The following CTCF variants were observed in gnomAD, a reference collection of about 807,000 sequenced individuals.
CTCF encodes the protein CCCTC-binding factor.
In CTCF, 7 loss-of-function variants were observed where a neutral mutation model predicts 72.3. That is an observed-to-expected ratio of 0.10 (90% CI 0.06 to 0.18). The LOEUF (loss-of-function observed/expected upper bound fraction) is 0.18, where lower values mean the gene tolerates loss of function less well. Ranked by LOEUF, CTCF falls within the 10% of genes least tolerant of loss-of-function variation. The probability of loss-of-function intolerance (pLI) is 1.00; values close to 1 mark genes in which losing one functional copy is unlikely to be tolerated. For missense variants in CTCF, 516 were observed against 949.1 expected (o/e 0.54, Z 6.00); for synonymous variants, 374 against 315.8 (o/e 1.18, Z -1.95).
chr16:67,610,975 G>A lies in CTCF; in HGVS notation c.143G>A (p.Gly48Asp), dbSNP rs758063705. ...CHLPQNQTDG[G>D]EVVQDVNSSV... ...TTACCCCAGAACCAGACGGATGGGGGTGAGGTGGTCCAGGATGTCAACAGC... is the reference window on the plus strand; with the variant it reads ...TTACCCCAGAACCAGACGGATGGGGATGAGGTGGTCCAGGATGTCAACAGC... Residue 48 changes from glycine to aspartate, a missense_variant, in exon 3 of 12, where the codon GGT (glycine) becomes GAT (aspartate). By Grantham distance (94) the Gly-to-Asp change is moderately conservative (BLOSUM62 -1). Around this residue, in one of 7 missense-constraint regions of CTCF, gnomAD observed 148 missense variants for 194.9 expected, o/e 0.76. Transcript: ENST00000264010. 4 of 1,600,458 alleles carry A rather than the reference G, an allele frequency of 2.5e-6. No homozygotes were observed. In the South Asian group the frequency reaches 3.3e-5, roughly 13 times the overall value.
chr16:67,616,093 T>G (rs1429215203), intron 4 of CTCF: 1 of 152,356 alleles, frequency 6.6e-6, no homozygotes, highest in Non-Finnish European at 1.5e-5. Flanking sequence ...TCATGTTTTA[T>G]ATTGGATGAA....
chr16:67,620,562 G>A, intron 5 of CTCF, 135 bp from the exon 6 acceptor site: 4 of 634,880 alleles, frequency 6.3e-6, no homozygotes, highest in Non-Finnish European at 1.0e-5. Context: ...TAATGAAGAG[G>A]GAAGAAGGTT....
At chr16:67,588,861 A>ATT (rs61023594) in intron 2 of CTCF, among the ~76,000 whole-genome samples, 8 of 150,640 alleles carry the variant, frequency 5.3e-5, no homozygotes, top group South Asian at 2.1e-4. Flanking sequence ...TAATTTTTGT[A>ATT]TTTTTTTTTA....
intron 1 of CTCF, chr16:67,563,553 G>C (rs2051307155): frequency 6.6e-6 from 1 of 152,218 alleles, no homozygotes; most frequent in African/African-American, 2.4e-5. Flanking sequence ...CCGGGTTCCT[G>C]GCCGGACCCG....
At chr16:67,577,021 T>C (rs1376615596) in intron 2 of CTCF, among the ~76,000 whole-genome samples, 1 of 152,134 alleles carries the variant, frequency 6.6e-6, no homozygotes, top group Non-Finnish European at 1.5e-5. Flanking sequence ...ATAAAACCTA[T>C]AGGTAGGTTT....
chr16:67,564,122 A>G (rs1301576106), intron 1 of CTCF, among the ~76,000 whole-genome samples: 1 of 152,242 alleles, frequency 6.6e-6, no homozygotes, highest in African/African-American at 2.4e-5. Context: ...TTAAAAACCA[A>G]GTCCTCATAG....
rs1181606379 is a variant in CTCF at position 67,573,282 on chromosome 16, A to G, written c.-10+2018A>G. Among the ~76,000 whole-genome samples the G allele has an allele frequency of 2.6e-5, 4 of 151,356 alleles. No homozygotes were observed. The Admixed American group carries it at 2.6e-4, about 10-fold the overall frequency. On this transcript the variant is annotated intron_variant, in intron 2 of 11. Coordinates refer to ENST00000264010, the MANE Select transcript of CTCF (RefSeq NM_006565.4). ...CAAAAAAAACCCCAAGAAGACAATT[A>G]GCTGGGTGTGGTGGTGCGTGCCTGT... is the stretch of plus-strand genomic sequence containing the variant.
chr16:67,618,056 A>G (rs1311428803), intron 5 of CTCF, among the ~76,000 whole-genome samples: 1 of 152,210 alleles, frequency 6.6e-6, no homozygotes, highest in Non-Finnish European at 1.5e-5. Context: ...TTCAGTAATC[A>G]TTAATTACTG....
At position 67,621,443 on chromosome 16, in the gene CTCF, G is replaced by A. The variant is rs1360666500; in HGVS notation, c.1209G>A (p.Gly403=). 1.3e-6 allele frequency: 2 copies of A among 1,590,594 alleles called. No homozygotes were observed. Among genetic ancestry groups the A allele is most frequent in the Non-Finnish European group, 1.7e-6 (2 of 1,160,090 alleles). ...KLKRHMRTHS[G]EKPYECYICH... is the part of the protein sequence containing the mutation. ...GTTCATTCTGTATTTTCTTTAAAGG[G>A]GAAAAGCCTTATGAATGTTATATTT... Residue 403 remains glycine (G), a splice_region_variant and synonymous_variant, in exon 7 of 12, where the codon GGG becomes GGA. Coordinates refer to ENST00000264010, the MANE Select transcript of CTCF (RefSeq NM_006565.4).
chr16:67,563,718 A>T (rs2051309261), intron 1 of CTCF: 1 of 152,226 alleles, frequency 6.6e-6, no homozygotes, highest in African/African-American at 2.4e-5. Context: ...TTTCATTCTG[A>T]TCTCAAGTGA....
At chr16:67,582,109 A>G (rs1013966107) in intron 2 of CTCF, among the ~76,000 whole-genome samples, 2 of 151,924 alleles carry the variant, frequency 1.3e-5, no homozygotes, top group African/African-American at 4.8e-5. Context: ...AGTCCCAGCT[A>G]CTGGGGAGGC....
intron 2 of CTCF, among the ~76,000 whole-genome samples, chr16:67,604,549 G>A (rs1341563203): frequency 6.6e-6 from 1 of 152,022 alleles, no homozygotes; most frequent in East Asian, 1.9e-4. Context: ...CGCCATGTTA[G>A]CCAGGATGGT....
intron 2 of CTCF, among the ~76,000 whole-genome samples, chr16:67,609,425 G>A (rs978978123): frequency 6.6e-5 from 10 of 152,094 alleles, no homozygotes; most frequent in Non-Finnish European, 1.5e-4. Flanking sequence ...AGTTTTGTTA[G>A]TAATTCTTTA....
At position 67,629,597 on chromosome 16, in the gene CTCF, TTATG is replaced by T. The variant is rs989419087; in HGVS notation, c.1837+69_1837+72del. ...CTTTGGAGCCCAGTTTCCAGTGTGT[TTATG>T]TATGGATATGCTGGGATATAGAGGC... On this transcript the variant is annotated intron_variant, in intron 10 of 11. Transcript: ENST00000264010. 49 of 1,563,184 alleles carry T rather than the reference TTATG, an allele frequency of 3.1e-5. No individual in the cohort carries two copies. The Admixed American group carries it at 7.2e-4, about 23-fold the overall frequency.
At chr16:67,575,307 C>T (rs1039805652) in intron 2 of CTCF, among the ~76,000 whole-genome samples, 1 of 151,108 alleles carries the variant, frequency 6.6e-6, no homozygotes, top group South Asian at 2.2e-4. Flanking sequence ...CGTGGTGGCT[C>T]ATGCTTATAA....
chr16:67,564,358 T>G (rs1295471795), intron 1 of CTCF, among the ~76,000 whole-genome samples: 1 of 152,208 alleles, frequency 6.6e-6, no homozygotes, highest in African/African-American at 2.4e-5. Flanking sequence ...TATGTTAAGT[T>G]TATGAAGAAA....
intron 2 of CTCF, among the ~76,000 whole-genome samples, chr16:67,577,357 CAA>C (rs72483780): frequency 2.3e-4 from 14 of 61,396 alleles, no homozygotes; most frequent in Admixed American, 3.7e-4. Flanking sequence ...GGCTCTGTCT[CAA>C]AAAAAAAAAA....
chr16:67,565,435 G>T (rs191540997), intron 1 of CTCF, among the ~76,000 whole-genome samples: 1 of 152,222 alleles, frequency 6.6e-6, no homozygotes, highest in Admixed American at 6.5e-5. Context: ...AGCACTTTGG[G>T]TGACCAAGGC....
At chr16:67,591,239 C>T (rs2051740016) in intron 2 of CTCF, among the ~76,000 whole-genome samples, 2 of 152,042 alleles carry the variant, frequency 1.3e-5, no homozygotes, top group African/African-American at 4.8e-5. Flanking sequence ...TTGCAGTGAG[C>T]CAAGATCTCA....
Sources: gnomAD v4.1 joint callset for allele counts (sites outside exome capture counted in the v4.1 genomes callset) on GRCh38, gnomAD v4.1.1 for gene constraint, gnomAD v4.1.1 regional missense constraint, MANE v1.5 for transcripts, NCBI Gene and HGNC (gene_info 2026-07-23, HGNC 2026-07-21) for gene names.